The following DLG2 variants were observed in gnomAD, a reference collection of about 807,000 sequenced individuals.
DLG2 encodes discs large MAGUK scaffold protein 2, also known as disks large homolog 2.
A neutral mutation model predicts 132.5 loss-of-function variants in DLG2; 45 were observed. The ratio of observed to expected loss-of-function variants is 0.34; its 90% confidence interval spans 0.27 to 0.44. DLG2 has a LOEUF of 0.44. Ranked by LOEUF, DLG2 falls within the 20% of genes least tolerant of loss-of-function variation. DLG2 has a pLI of 1.00. For missense variants in DLG2, 1,045 were observed against 1,196.9 expected (o/e 0.87, Z 1.87); for synonymous variants, 424 against 419.6 (o/e 1.01, Z -0.13).
At chr11:83,603,516 T>C (rs1339133949) in intron 19 of DLG2, among the ~76,000 whole-genome samples, 1 of 152,194 alleles carries the variant, frequency 6.6e-6, no homozygotes, top group Non-Finnish European at 1.5e-5. Context: ...CTAAGGTACA[T>C]GCTTAAAGAA....
chr11:83,858,671 T>A (rs1197312840), intron 16 of DLG2, among the ~76,000 whole-genome samples: 1 of 152,172 alleles, frequency 6.6e-6, no homozygotes, highest in Non-Finnish European at 1.5e-5. Flanking sequence ...CAGCTCTCCA[T>A]AGTGATGTGT....
rs144707995 is a variant in DLG2 at position 84,110,267 on chromosome 11, G to A, written c.625-11220C>T. 4.2e-4 allele frequency among the ~76,000 whole-genome samples: 64 copies of A among 152,214 alleles called. 3 individuals are homozygous for A. In the Middle Eastern group the frequency reaches 0.037, roughly 89 times the overall value. Reference sequence around the variant, plus strand: ...GTTGAGAACGTATCTCATCTAAAGCGATAACCTGCCATTCAGCTTTTATGG... The same window carrying A: ...GTTGAGAACGTATCTCATCTAAAGCAATAACCTGCCATTCAGCTTTTATGG... On this transcript the variant is annotated intron_variant, in intron 9 of 27. Coordinates refer to ENST00000376104, the MANE Select transcript of DLG2 (RefSeq NM_001142699.3).
intron 3 of DLG2, among the ~76,000 whole-genome samples, chr11:85,560,926 G>A (rs1180188153): frequency 6.6e-6 from 1 of 151,570 alleles, no homozygotes; most frequent in Admixed American, 6.6e-5. Context: ...CAGCTATTCA[G>A]GGAGTTGAGG....
At chr11:84,720,501 C>A in intron 6 of DLG2, 1 of 984,754 alleles carries the variant, frequency 1.0e-6, no homozygotes, top group Non-Finnish European at 1.2e-6. Flanking sequence ...TCGATCACTG[C>A]CCCCTGCACC....
chr11:85,110,230 C>A (rs2072482544), intron 6 of DLG2, among the ~76,000 whole-genome samples: 1 of 151,632 alleles, frequency 6.6e-6, no homozygotes, highest in South Asian at 2.1e-4. Flanking sequence ...TTCAACAGGG[C>A]AAAACCTCGT....
intron 6 of DLG2, among the ~76,000 whole-genome samples, chr11:84,880,626 C>T (rs2087164597): frequency 6.6e-6 from 1 of 152,098 alleles, no homozygotes. Context: ...ACCCTATCTC[C>T]CATGTTATAA....
At position 84,768,746 on chromosome 11, in the gene DLG2, G is replaced by T. The variant is rs11234166; in HGVS notation, c.358-234015C>A. Among the ~76,000 whole-genome samples the T allele has an allele frequency of 2.9e-3, 438 of 152,018 alleles. 3 individuals carry two copies. The highest frequency in any genetic ancestry group is 1.0e-2 in the African/African-American group (413 of 41,500). ...AAAATGTAGATGATTATTAGAAATT[G>T]GTGGATTCTACTCCCTCTCACCAGA... On this transcript the variant is annotated intron_variant, in intron 6 of 27. Transcript: ENST00000376104.
intron 7 of DLG2, among the ~76,000 whole-genome samples, chr11:84,334,897 A>G (rs944266741): frequency 6.6e-6 from 1 of 152,194 alleles, no homozygotes; most frequent in Non-Finnish European, 1.5e-5. Context: ...GATGTCTATG[A>G]AAGTAAAATC....
chr11:85,233,401 C>T (rs534080674), intron 4 of DLG2, among the ~76,000 whole-genome samples: 1 of 151,992 alleles, frequency 6.6e-6, no homozygotes, highest in South Asian at 2.1e-4. Flanking sequence ...CCTAAGATCC[C>T]TCATTTTTCA....
Position 84,873,567 on chromosome 11 carries a change from A to G in DLG2, c.357+238094T>C, listed in dbSNP as rs565831422. Among the ~76,000 whole-genome samples, 20 of 152,370 alleles carry G rather than the reference A, an allele frequency of 1.3e-4. No individual in the cohort carries two copies. The East Asian group carries it at 3.9e-3, about 29-fold the overall frequency. ...TAAGCATGTAAGTAAGTAAGCATGGAAAGCCATACAATCCTGTGTCAGGTA... is the reference window on the plus strand; with the variant it reads ...TAAGCATGTAAGTAAGTAAGCATGGGAAGCCATACAATCCTGTGTCAGGTA... On this transcript the variant is annotated intron_variant, in intron 6 of 27. Transcript: ENST00000376104.
intron 10 of DLG2, among the ~76,000 whole-genome samples, chr11:84,090,770 T>C (rs1309998531): frequency 6.6e-6 from 1 of 152,334 alleles, no homozygotes; most frequent in South Asian, 2.1e-4. Flanking sequence ...ATAGTAGAAA[T>C]ATATACTAAG....
intron 6 of DLG2, among the ~76,000 whole-genome samples, chr11:84,780,003 A>C (rs2071427222): frequency 1.3e-5 from 2 of 152,058 alleles, no homozygotes; most frequent in African/African-American, 4.8e-5. Flanking sequence ...CGTTCAAATC[A>C]AAGAAGAGAA....
At chr11:83,670,026 T>C (rs1279284616) in intron 18 of DLG2, among the ~76,000 whole-genome samples, 1 of 152,230 alleles carries the variant, frequency 6.6e-6, no homozygotes, top group Non-Finnish European at 1.5e-5. Context: ...CTCTTAGCTC[T>C]CAGAGCAGTG....
intron 6 of DLG2, among the ~76,000 whole-genome samples, chr11:84,861,953 G>A (rs2083764020): frequency 6.8e-6 from 1 of 146,396 alleles, no homozygotes; most frequent in Non-Finnish European, 1.5e-5. Context: ...ACCAAACACC[G>A]CATATTCTCA....
At chr11:85,199,513 C>A (rs180795895) in intron 4 of DLG2, among the ~76,000 whole-genome samples, 1 of 152,094 alleles carries the variant, frequency 6.6e-6, no homozygotes, top group Non-Finnish European at 1.5e-5. Flanking sequence ...AAGGTCTATG[C>A]GTGTTATTGG....
intron 3 of DLG2, among the ~76,000 whole-genome samples, chr11:85,463,298 A>G (rs2092676879): frequency 1.3e-5 from 2 of 152,242 alleles, no homozygotes; most frequent in African/African-American, 4.8e-5. Context: ...TGAAAGTTCA[A>G]TCAGAAGAAA....
At chr11:84,566,815 T>C (rs145499040) in intron 6 of DLG2, among the ~76,000 whole-genome samples, 292 of 152,310 alleles carry the variant, frequency 1.9e-3, no homozygotes, top group African/African-American at 6.6e-3. Context: ...GGATAAATTT[T>C]TTAAAAACTG....
intron 8 of DLG2, among the ~76,000 whole-genome samples, chr11:84,233,801 C>T (rs2097125453): frequency 6.6e-6 from 1 of 152,212 alleles, no homozygotes; most frequent in Non-Finnish European, 1.5e-5. Flanking sequence ...GCCTATTAAA[C>T]TTCCACTCTC....
At chr11:83,692,245 G>A (rs2153623384) in intron 18 of DLG2, among the ~76,000 whole-genome samples, 1 of 152,292 alleles carries the variant, frequency 6.6e-6, no homozygotes, top group South Asian at 2.1e-4. Context: ...ATATGACTGG[G>A]ATGCAGTACA....
Sources: allele counts gnomAD v4.1 joint callset (sites outside exome capture counted in the v4.1 genomes callset), GRCh38; gene constraint gnomAD v4.1.1; transcripts MANE v1.5; gene names NCBI Gene and HGNC (gene_info 2026-07-23, HGNC 2026-07-21).